Variants in FBXL7 observed in about 807,000 individuals in gnomAD.
The protein encoded by FBXL7 is F-box and leucine rich repeat protein 7.
A neutral mutation model predicts 38.3 loss-of-function variants in FBXL7; 12 were observed. That is an observed-to-expected ratio of 0.31 (90% CI 0.20 to 0.51). FBXL7 has a LOEUF of 0.51. FBXL7 is among the 20% of genes least tolerant of loss of function. The probability of loss-of-function intolerance (pLI) is 0.98; values close to 1 mark genes in which losing one functional copy is unlikely to be tolerated. For missense variants in FBXL7, 567 were observed against 676.4 expected, an observed-to-expected ratio of 0.84 and a Z score of 1.79; for synonymous variants, 297 against 300.9, an observed-to-expected ratio of 0.99 and a Z score of 0.13.
rs560055721 is a variant in FBXL7, at chr5:15,936,241, C to T, written c.740-209C>T. Among the ~76,000 whole-genome samples, 22 of 152,296 alleles carry T rather than the reference C, an allele frequency of 1.4e-4. 1 individual carries two copies. In the South Asian group the frequency reaches 4.1e-3, roughly 29 times the overall value. ...TTTTTCTGATCCAATCCTCTTAAGCCCAGATAATAGAAATAATGTAGTTAA... is the reference window on the plus strand; with the variant it reads ...TTTTTCTGATCCAATCCTCTTAAGCTCAGATAATAGAAATAATGTAGTTAA... On this transcript the variant is annotated intron_variant, in intron 3 of 3. Transcript: ENST00000504595. This position sits in a 1 kb window ranked among gnomAD's most constrained non-coding sequence, Gnocchi z 6.0.
In FBXL7 at chr5:15,802,171, A is replaced by G. The variant is rs116472819; in HGVS notation, c.128-125719A>G. Among the ~76,000 whole-genome samples the G allele has an allele frequency of 6.2e-3, 938 of 152,168 alleles. 10 individuals are homozygous for G. Among genetic ancestry groups the G allele is most frequent in the African/African-American group, 0.021 (881 of 41,504 alleles). On this transcript the variant is annotated intron_variant, in intron 2 of 3. Coordinates refer to ENST00000504595, the MANE Select transcript of FBXL7 (RefSeq NM_012304.5). ...ACTTCTCACTGTCTCCTCTGTGACA[A>G]TCACGCTGAGAGACCATCATCCCTT...
chr5:15,933,084 A>G (rs772202633), intron 3 of FBXL7, among the ~76,000 whole-genome samples: 2 of 152,214 alleles, frequency 1.3e-5, no homozygotes, highest in Non-Finnish European at 2.9e-5. Context: ...CTCCATGTCT[A>G]TAATGTTTGA....
At chr5:15,680,627 A>G (rs903203446) in intron 2 of FBXL7, among the ~76,000 whole-genome samples, 1 of 152,210 alleles carries the variant, frequency 6.6e-6, no homozygotes, top group Admixed American at 6.5e-5. Flanking sequence ...AATTAGGCAG[A>G]TAATTGGTGT....
At chr5:15,706,919 G>A (rs1743696385) in intron 2 of FBXL7, among the ~76,000 whole-genome samples, 1 of 152,030 alleles carries the variant, frequency 6.6e-6, no homozygotes, top group South Asian at 2.1e-4. Flanking sequence ...CTGGGGAACT[G>A]AATGTGTAAA....
At chr5:15,756,551 T>A (rs962964571) in intron 2 of FBXL7, among the ~76,000 whole-genome samples, 16 of 152,202 alleles carry the variant, frequency 1.1e-4, no homozygotes, top group African/African-American at 3.6e-4. Flanking sequence ...GAAGTCACTA[T>A]CCGGACCATT....
chr5:15,573,417 A>AT (rs1362901091), intron 1 of FBXL7, among the ~76,000 whole-genome samples: 1 of 152,128 alleles, frequency 6.6e-6, no homozygotes, highest in Non-Finnish European at 1.5e-5. Context: ...AAAAAAATAG[A>AT]TTTTTCCCTT....
At chr5:15,573,979 G>A (rs1409999045) in intron 1 of FBXL7, among the ~76,000 whole-genome samples, 1 of 152,166 alleles carries the variant, frequency 6.6e-6, no homozygotes, top group Non-Finnish European at 1.5e-5. Context: ...CTTACATTCA[G>A]TATATTGCTG....
intron 2 of FBXL7, among the ~76,000 whole-genome samples, chr5:15,719,856 C>G (rs749771491): frequency 2.0e-5 from 3 of 148,752 alleles, no homozygotes; most frequent in African/African-American, 7.4e-5. Flanking sequence ...TCTCAAAGAG[C>G]GACCTTGGAA....
At chr5:15,885,314 CGA>C (rs1461007536) in intron 2 of FBXL7, among the ~76,000 whole-genome samples, 2 of 152,038 alleles carry the variant, frequency 1.3e-5, no homozygotes, top group Admixed American at 6.6e-5. Context: ...AGTGAGAGGG[CGA>C]GAGAGAGGAT....
chr5:15,917,706 G>A lies in FBXL7; in HGVS notation c.128-10184G>A, dbSNP rs372007503. Reference sequence around the variant, plus strand: ...GGAAGGAAGGAAGGAAGAAAGAAAGGAAGGAAGGAAGGACGATGCTAGCGA... The same window carrying A: ...GGAAGGAAGGAAGGAAGAAAGAAAGAAAGGAAGGAAGGACGATGCTAGCGA... On this transcript the variant is annotated intron_variant, in intron 2 of 3. Coordinates refer to ENST00000504595, the MANE Select transcript of FBXL7 (RefSeq NM_012304.5). Among the ~76,000 whole-genome samples, 296 of 137,726 alleles carry A rather than the reference G, an allele frequency of 2.1e-3. 1 individual carries two copies. The highest frequency in any genetic ancestry group is 7.2e-3 in the African/African-American group (273 of 37,808). 90.4% of individuals were successfully genotyped at this position (137,726 alleles called of 152,430 possible). A position where few individuals can be genotyped will look rare whatever the true frequency, so the allele number is the denominator to read the frequency against.
At chr5:15,556,829 T>C in intron 1 of FBXL7, among the ~76,000 whole-genome samples, 1 of 152,230 alleles carries the variant, frequency 6.6e-6, no homozygotes, top group Non-Finnish European at 1.5e-5. Context: ...GAACTTTCTC[T>C]GATCTTGATG....
At chr5:15,572,663 G>T (rs1360979505) in intron 1 of FBXL7, among the ~76,000 whole-genome samples, 5 of 152,140 alleles carry the variant, frequency 3.3e-5, no homozygotes, top group Non-Finnish European at 2.9e-5. Flanking sequence ...GGGCTTTGAT[G>T]GGGTGGAGAT....
At chr5:15,772,801 G>T (rs1446853846) in intron 2 of FBXL7, among the ~76,000 whole-genome samples, 1 of 151,888 alleles carries the variant, frequency 6.6e-6, no homozygotes, top group Non-Finnish European at 1.5e-5. Context: ...TTTCCATATT[G>T]TTTGTTTCTA....
chr5:15,752,778 C>T (rs932637687), intron 2 of FBXL7, among the ~76,000 whole-genome samples: 6 of 152,178 alleles, frequency 3.9e-5, no homozygotes, highest in Non-Finnish European at 7.3e-5. Context: ...TCACCCCTAA[C>T]CTCAGTTCCT....
intron 1 of FBXL7, among the ~76,000 whole-genome samples, chr5:15,595,114 C>CA (rs1285739927): frequency 6.6e-6 from 1 of 152,188 alleles, no homozygotes; most frequent in African/African-American, 2.4e-5. Context: ...GATCCCAGGG[C>CA]ATGTAAGAAG....
chr5:15,693,037 T>C (rs1041870160), intron 2 of FBXL7, among the ~76,000 whole-genome samples: 1 of 152,152 alleles, frequency 6.6e-6, no homozygotes, highest in East Asian at 1.9e-4. Flanking sequence ...CAGACAGTGA[T>C]GGGATTTTAC....
chr5:15,731,935 G>A (rs1487072473), intron 2 of FBXL7, among the ~76,000 whole-genome samples: 3 of 152,080 alleles, frequency 2.0e-5, no homozygotes, highest in Non-Finnish European at 2.9e-5. Flanking sequence ...AGCATGTCAA[G>A]TCTCACTTCA....
At chr5:15,749,500 G>A (rs565445209) in intron 2 of FBXL7, among the ~76,000 whole-genome samples, 4 of 151,800 alleles carry the variant, frequency 2.6e-5, no homozygotes, top group Admixed American at 1.3e-4. Flanking sequence ...GGTTGCGGGC[G>A]CCCGTAGTCC....
At chr5:15,915,104 C>T (rs1741548172) in intron 2 of FBXL7, among the ~76,000 whole-genome samples, 1 of 152,160 alleles carries the variant, frequency 6.6e-6, no homozygotes, top group South Asian at 2.1e-4. Flanking sequence ...TGAGCATGTG[C>T]TCTGCAATGT....
Sources: gnomAD v4.1 joint callset for allele counts (sites outside exome capture counted in the v4.1 genomes callset) on GRCh38, gnomAD v4.1.1 for gene constraint, Gnocchi (gnomAD v3.1) non-coding constraint, MANE v1.5 for transcripts, NCBI Gene and HGNC (gene_info 2026-07-23, HGNC 2026-07-21) for gene names.